Variants in PABPC4L observed in about 807,000 individuals in gnomAD.
PABPC4L encodes the protein poly(A) binding protein cytoplasmic 4 like, also known as polyadenylate-binding protein 4-like.
For missense variants in PABPC4L, 452 were observed against 451.4 expected (o/e 1.00, Z -0.01); for synonymous variants, 169 against 164.1 (o/e 1.03, Z -0.23).
At chr4:134,029,084 G>C in the PABPC4L span, among the ~76,000 whole-genome samples, 1 of 152,174 alleles carries the variant, frequency 6.6e-6, no homozygotes, top group East Asian at 1.9e-4. Flanking sequence ...ATTTTTATAA[G>C]TATATTCAGA....
the PABPC4L span, among the ~76,000 whole-genome samples, chr4:134,016,103 T>G: frequency 6.6e-6 from 1 of 152,074 alleles, no homozygotes; most frequent in African/African-American, 2.4e-5. Context: ...ACACTTGGTT[T>G]ATTGATGGCA....
At chr4:134,091,018 A>C in the PABPC4L span, among the ~76,000 whole-genome samples, 1 of 151,998 alleles carries the variant, frequency 6.6e-6, no homozygotes, top group African/African-American at 2.4e-5. Flanking sequence ...TTTTGGTATT[A>C]ACCTGTGCAG....
the PABPC4L span, among the ~76,000 whole-genome samples, chr4:134,026,510 A>C: frequency 6.6e-6 from 1 of 152,100 alleles, no homozygotes; most frequent in Admixed American, 6.6e-5. Flanking sequence ...AAATATAAAA[A>C]TGTAGTAGTT....
rs553148715 is a variant in PABPC4L, at chr4:134,197,786, T to C, written c.*2121A>G. 6.6e-6 allele frequency: 1 copy of C among 151,862 alleles called. No individual in the cohort carries two copies. The highest frequency in any genetic ancestry group is 2.1e-4 in the South Asian group (1 of 4,816). 9.4% of individuals were successfully genotyped at this position (151,862 alleles called of 1,614,324 possible). A position where few individuals can be genotyped will look rare whatever the true frequency, so the allele number is the denominator to read the frequency against. On this transcript the variant is annotated 3_prime_UTR_variant, in exon 2 of 2. Transcript: ENST00000421491. ...ATATCATGTTGAATTGACCAACAGC[T>C]TAAAAAAAACCCTTGTTTCTTGGAG...
chr4:133,968,512 C>T, the PABPC4L span, among the ~76,000 whole-genome samples: 1 of 152,094 alleles, frequency 6.6e-6, no homozygotes, highest in East Asian at 1.9e-4. Context: ...TAAACTTCAC[C>T]ATCAATAGCG....
the PABPC4L span, among the ~76,000 whole-genome samples, chr4:134,046,241 GA>G: frequency 6.6e-6 from 1 of 152,038 alleles, no homozygotes; most frequent in Non-Finnish European, 1.5e-5. Context: ...AGGTTAGCAG[GA>G]AAACATGTGA....
At chr4:134,108,828 TACA>T in the PABPC4L span, among the ~76,000 whole-genome samples, 1 of 151,914 alleles carries the variant, frequency 6.6e-6, no homozygotes, top group Non-Finnish European at 1.5e-5. Flanking sequence ...ACCAGTTTTG[TACA>T]AATATAAAGA....
At chr4:134,077,281 T>G in the PABPC4L span, among the ~76,000 whole-genome samples, 1 of 152,154 alleles carries the variant, frequency 6.6e-6, no homozygotes, top group Non-Finnish European at 1.5e-5. Flanking sequence ...ATATATTCAG[T>G]GCAGCCATAA....
At chr4:134,089,709 T>G in the PABPC4L span, among the ~76,000 whole-genome samples, 1 of 152,014 alleles carries the variant, frequency 6.6e-6, no homozygotes, top group Non-Finnish European at 1.5e-5. Context: ...AAATACAGTA[T>G]TCCTCAGATG....
At chr4:134,027,743 T>C in the PABPC4L span, among the ~76,000 whole-genome samples, 15 of 152,168 alleles carry the variant, frequency 9.9e-5, no homozygotes, top group Non-Finnish European at 1.5e-5. Flanking sequence ...GATCATAAAT[T>C]ACAACATCAC....
chr4:134,201,323 G>A, intron 1 of PABPC4L, 78 bp from the exon 2 acceptor site: 1 of 1,318,288 alleles, frequency 7.6e-7, no homozygotes, highest in Non-Finnish European at 9.8e-7. Flanking sequence ...CAAGTGGCGG[G>A]CTGGCCCTCC....
the PABPC4L span, among the ~76,000 whole-genome samples, chr4:134,158,401 A>ATTTTCTAG: frequency 6.6e-6 from 1 of 151,964 alleles, no homozygotes; most frequent in African/African-American, 2.4e-5. Context: ...TCTACAGATA[A>ATTTTCTAG]TTTTCTAGGT....
At chr4:134,155,521 T>A in the PABPC4L span, among the ~76,000 whole-genome samples, 1 of 151,880 alleles carries the variant, frequency 6.6e-6, no homozygotes, top group African/African-American at 2.4e-5. Flanking sequence ...CATTGCTCTA[T>A]CCTCTATACA....
the PABPC4L span, among the ~76,000 whole-genome samples, chr4:134,072,103 A>C: frequency 8.5e-5 from 13 of 152,316 alleles, no homozygotes; most frequent in Middle Eastern, 3.4e-3. Flanking sequence ...TGAAAAAAAA[A>C]ATGTGATTTC....
the PABPC4L span, among the ~76,000 whole-genome samples, chr4:134,160,675 A>C: frequency 2.0e-5 from 3 of 152,042 alleles, no homozygotes; most frequent in East Asian, 1.9e-4. Flanking sequence ...CAGAAGTTAG[A>C]GTACAGCCTG....
chr4:133,965,838 T>C, the PABPC4L span, among the ~76,000 whole-genome samples: 1 of 152,116 alleles, frequency 6.6e-6, no homozygotes, highest in Non-Finnish European at 1.5e-5. Context: ...GATCAATGAC[T>C]TAACTAAGAC....
rs148158639 is a variant in PABPC4L, at chr4:134,200,681, G to T, written c.339C>A (p.Thr113=). 4 of 1,551,584 alleles carry T rather than the reference G, an allele frequency of 2.6e-6. 1 individual carries two copies. The highest frequency in any genetic ancestry group is 2.6e-6 in the Non-Finnish European group (3 of 1,146,964). ...KNLDKSIDNK[T]LYEHFSAFGK... ...CAAAAGCTGAAAAATGTTCATAAAGGGTTTTGTTATCGATAGATTTGTCCA... is the reference window on the plus strand; with the variant it reads ...CAAAAGCTGAAAAATGTTCATAAAGTGTTTTGTTATCGATAGATTTGTCCA... The change falls in exon 2 of 2, where the codon ACC becomes ACA. Residue 113 remains threonine (T), a synonymous_variant. Transcript: ENST00000421491.
chr4:134,103,963 G>C, the PABPC4L span, among the ~76,000 whole-genome samples: 4 of 151,550 alleles, frequency 2.6e-5, no homozygotes, highest in Non-Finnish European at 4.4e-5. Context: ...AGTTTTTCTA[G>C]GATCACCTAT....
At chr4:134,082,749 AT>A in the PABPC4L span, among the ~76,000 whole-genome samples, 1 of 151,808 alleles carries the variant, frequency 6.6e-6, no homozygotes, top group African/African-American at 2.4e-5. Flanking sequence ...TCATTAGCAT[AT>A]TTTTCCTGTT....
Sources: allele counts gnomAD v4.1 joint callset (sites outside exome capture counted in the v4.1 genomes callset), GRCh38; gene constraint gnomAD v4.1.1; transcripts MANE v1.5; gene names NCBI Gene and HGNC (gene_info 2026-07-23, HGNC 2026-07-21).